GRIK5: variants seen among roughly 807,000 people sequenced by gnomAD.
GRIK5 encodes glutamate receptor ionotropic, kainate 5.
GRIK5 carries 43 observed loss-of-function variants against 97.4 expected under a neutral mutation model. That is an observed-to-expected ratio of 0.44 (90% CI 0.35 to 0.57). GRIK5 has a LOEUF of 0.57. Ranked by LOEUF, GRIK5 falls within the 20% of genes least tolerant of loss-of-function variation. The probability of loss-of-function intolerance (pLI) is 0.01; values close to 1 mark genes in which losing one functional copy is unlikely to be tolerated. For missense variants in GRIK5, 1,015 were observed against 1,382.0 expected, an observed-to-expected ratio of 0.73 and a Z score of 4.21; for synonymous variants, 580 against 583.5, an observed-to-expected ratio of 0.99 and a Z score of 0.09.
intron 3 of GRIK5, chr19:42,063,455 T>C (rs1000951666): frequency 4.3e-5 from 18 of 422,106 alleles, no homozygotes; most frequent in Admixed American, 2.3e-4. Context: ...CAGTCCAGGG[T>C]TCCCAGGATT....
intron 17 of GRIK5, among the ~76,000 whole-genome samples, chr19:42,004,244 C>T (rs1010557093): frequency 3.9e-5 from 6 of 152,172 alleles, no homozygotes; most frequent in African/African-American, 1.2e-4. Flanking sequence ...TATCATCTTT[C>T]GTCTGCATCC....
intron 8 of GRIK5, among the ~76,000 whole-genome samples, chr19:42,056,357 G>C (rs1337097767): frequency 6.6e-6 from 1 of 152,204 alleles, no homozygotes; most frequent in Non-Finnish European, 1.5e-5. Context: ...CAATGTCCTA[G>C]TGATGGGGAG....
chr19:42,020,964 C>T (rs1439214404), intron 15 of GRIK5, among the ~76,000 whole-genome samples: 2 of 152,194 alleles, frequency 1.3e-5, no homozygotes, highest in African/African-American at 2.4e-5. Flanking sequence ...CAGCTCACTA[C>T]AACCTCCGCC....
intron 12 of GRIK5, among the ~76,000 whole-genome samples, chr19:42,034,945 T>C (rs2075884100): frequency 6.6e-6 from 1 of 152,166 alleles, no homozygotes; most frequent in African/African-American, 2.4e-5. Flanking sequence ...TGCAGAATAG[T>C]TGCTCAGTAG....
In GRIK5 at chr19:42,062,934, T is replaced by C. The variant is rs553228097; in HGVS notation, c.245-79A>G. The C allele has an allele frequency of 4.1e-5, 45 of 1,087,572 alleles. No individual in the cohort carries two copies. Among genetic ancestry groups the C allele is most frequent in the Non-Finnish European group, 6.2e-5 (44 of 711,528 alleles). 67.4% of individuals were successfully genotyped at this position (1,087,572 alleles called of 1,614,324 possible). A position where few individuals can be genotyped will look rare whatever the true frequency, so the allele number is the denominator to read the frequency against. On this transcript the variant is annotated intron_variant, in intron 3 of 19. Transcript: ENST00000593562. This position sits in a 1 kb window ranked among gnomAD's most constrained non-coding sequence, Gnocchi z 5.3. ...TTCCCCATCCCTCAGGGAGCCGCCA[T>C]GGCCCAGGAGAGGATCAGACACTGG...
In GRIK5 at chr19:42,062,878, C is replaced by T. The variant is rs190363544; in HGVS notation, c.245-23G>A. 77 of 1,575,366 alleles carry T rather than the reference C, an allele frequency of 4.9e-5. No homozygotes were observed. The highest frequency in any genetic ancestry group is 2.4e-5 in the Non-Finnish European group (27 of 1,144,960). ...ACACTGCGTGGGAAGGGGAAGAGAC[C>T]GCAGAGTCAGGGACCCCCTGCCTCC... is the stretch of plus-strand genomic sequence containing the variant. On this transcript the variant is annotated intron_variant, in intron 3 of 19. Coordinates refer to ENST00000593562, the MANE Select transcript of GRIK5 (RefSeq NM_002088.5). The surrounding 1 kb of genome is among the most constrained non-coding windows in gnomAD (Gnocchi z 5.3).
At position 42,054,314 on chromosome 19, in the gene GRIK5, G is replaced by A; in HGVS notation, c.1056+6C>T. 2 of 1,603,544 alleles carry A rather than the reference G, an allele frequency of 1.2e-6. No individual in the cohort carries two copies. The highest frequency in any genetic ancestry group is 1.7e-6 in the Non-Finnish European group (2 of 1,173,388). On this transcript the variant is annotated splice_donor_region_variant and intron_variant, in intron 9 of 19. Transcript: ENST00000593562. ...GCCTCCTCCACCCATCCCCGCTCGG[G>A]CTCACCATGCGCAGGTAGTTCATGA...
Position 42,002,036 on chromosome 19 carries a change from G to C in GRIK5, c.2514+1296C>G, listed in dbSNP as rs1361842199. ...GGAGAAGTGGGAGAAGGGGAAGAAG[G>C]GGCTTTGAGGATTGAGAGTGACTGG... On this transcript the variant is annotated intron_variant, in intron 19 of 19. Transcript: ENST00000593562. This position sits in a 1 kb window ranked among gnomAD's most constrained non-coding sequence, Gnocchi z 5.2. The C allele has an allele frequency of 1.6e-5, 10 of 641,950 alleles. No individual in the cohort carries two copies. Among genetic ancestry groups the C allele is most frequent in the Non-Finnish European group, 2.8e-5 (10 of 351,340 alleles). 39.8% of individuals were successfully genotyped at this position (641,950 alleles called of 1,614,324 possible).
chr19:42,056,416 G>A (rs1198979732), intron 8 of GRIK5, among the ~76,000 whole-genome samples: 1 of 152,214 alleles, frequency 6.6e-6, no homozygotes, highest in Non-Finnish European at 1.5e-5. Context: ...GGGGAAGAGG[G>A]TGTGCAGAGG....
chr19:42,009,032 G>A (rs1377715510), intron 15 of GRIK5, among the ~76,000 whole-genome samples: 1 of 151,944 alleles, frequency 6.6e-6, no homozygotes, highest in Non-Finnish European at 1.5e-5. Context: ...TTTGAGATAA[G>A]CCTGGTCAAC....
intron 15 of GRIK5, among the ~76,000 whole-genome samples, chr19:42,017,982 G>A (rs895202343): frequency 2.0e-5 from 3 of 151,958 alleles, no homozygotes; most frequent in African/African-American, 7.3e-5. Flanking sequence ...GGGAGAGTTG[G>A]GAGGGATGGG....
At chr19:42,014,932 C>A (rs765815122) in intron 15 of GRIK5, among the ~76,000 whole-genome samples, 22 of 152,166 alleles carry the variant, frequency 1.4e-4, no homozygotes, top group Non-Finnish European at 8.8e-5. Flanking sequence ...ATATAATAAT[C>A]TAGATGGGCC....
At position 42,006,021 on chromosome 19, in the gene GRIK5, C is replaced by G. The variant is rs1167493086; in HGVS notation, c.2038-73G>C. 1.3e-6 allele frequency: 1 copy of G among 781,750 alleles called. No individual in the cohort carries two copies. The highest frequency in any genetic ancestry group is 2.2e-6 in the Non-Finnish European group (1 of 451,474). The allele number at this position is 781,750 out of a possible 1,614,324, so 48.4% of individuals were successfully genotyped here. A position where few individuals can be genotyped will look rare whatever the true frequency, so the allele number is the denominator to read the frequency against. On this transcript the variant is annotated intron_variant, in intron 16 of 19. Coordinates refer to ENST00000593562, the MANE Select transcript of GRIK5 (RefSeq NM_002088.5). The surrounding 1 kb of genome is among the most constrained non-coding windows in gnomAD (Gnocchi z 5.3). The stretch of plus-strand genomic sequence containing the variant: ...CTTCCTTTCCCCGAGCCCTTCCCAT[C>G]CTCCAGGAAGTCTCCCTCAACCCAG...
intron 1 of GRIK5, among the ~76,000 whole-genome samples, chr19:42,067,527 T>C (rs2076353346): frequency 6.6e-6 from 1 of 151,754 alleles, no homozygotes; most frequent in Non-Finnish European, 1.5e-5. Flanking sequence ...GGGAGGAGTG[T>C]GAAGGGCGGA....
chr19:42,024,034 C>A (rs552342005), intron 12 of GRIK5, among the ~76,000 whole-genome samples: 15 of 152,272 alleles, frequency 9.9e-5, no homozygotes, highest in Admixed American at 9.8e-4. Context: ...CATGATGGCC[C>A]GTTCTTTCCT....
At chr19:42,054,113 T>G in intron 9 of GRIK5, among the ~76,000 whole-genome samples, 184 bp from the exon 10 acceptor site, 1 of 150,828 alleles carries the variant, frequency 6.6e-6, no homozygotes, top group Non-Finnish European at 1.5e-5. Context: ...CAAGAGGAGA[T>G]GGGACAAAAG....
chr19:41,999,237 C>T lies in GRIK5; in HGVS notation c.2577G>A (p.Ser859=), dbSNP rs1474121599. 1.3e-6 allele frequency: 2 copies of T among 1,523,184 alleles called. No individual in the cohort carries two copies. Among genetic ancestry groups the T allele is most frequent in the Non-Finnish European group, 1.8e-6 (2 of 1,142,154 alleles). 94.4% of individuals were successfully genotyped at this position (1,523,184 alleles called of 1,614,324 possible). The stretch of plus-strand genomic sequence containing the variant: ...CCGGGCGTCGGCGCCGGCGGGAACG[C>T]GACGTCTTGCGGCAAGAAACGGCGT... ...LRHAVSCRKT[S]RSRRRRRPGG... Residue 859 remains serine (S), a synonymous_variant, in exon 20 of 20, where the codon TCG becomes TCA. Transcript: ENST00000593562. This position sits in a 1 kb window ranked among gnomAD's most constrained non-coding sequence, Gnocchi z 5.0.
intron 17 of GRIK5, among the ~76,000 whole-genome samples, chr19:42,005,490 C>A (rs765605648): frequency 2.6e-5 from 4 of 152,204 alleles, no homozygotes; most frequent in Non-Finnish European, 5.9e-5. Context: ...CACAGTCTCA[C>A]TGAATTCTCC....
In GRIK5 at chr19:42,065,652, G is replaced by C; in HGVS notation, c.79+40C>G. Reference sequence around the variant, plus strand: ...TGCCTGGGTCCCCAGAGGAGCCCCAGGGCCTGAGGATGCAGGGGCAGGGTG... The same window carrying C: ...TGCCTGGGTCCCCAGAGGAGCCCCACGGCCTGAGGATGCAGGGGCAGGGTG... On this transcript the variant is annotated intron_variant, in intron 2 of 19. Transcript: ENST00000593562. This position sits in a 1 kb window ranked among gnomAD's most constrained non-coding sequence, Gnocchi z 5.8. 1 of 1,499,200 alleles carries C rather than the reference G, an allele frequency of 6.7e-7. No homozygotes were observed. The highest frequency in any genetic ancestry group is 9.0e-7 in the Non-Finnish European group (1 of 1,106,322). The allele number at this position is 1,499,200 out of a possible 1,614,324, so 92.9% of individuals were successfully genotyped here. A position where few individuals can be genotyped will look rare whatever the true frequency, so the allele number is the denominator to read the frequency against.
Sources: allele counts gnomAD v4.1 joint callset (sites outside exome capture counted in the v4.1 genomes callset), GRCh38; gene constraint gnomAD v4.1.1; non-coding constraint Gnocchi (gnomAD v3.1); transcripts MANE v1.5; gene names NCBI Gene and HGNC (gene_info 2026-07-23, HGNC 2026-07-21).